Variants in PIWIL1 observed in about 807,000 individuals in gnomAD.
PIWIL1 encodes piwi-like protein 1.
PIWIL1 carries 73 observed loss-of-function variants against 114.4 expected under a neutral mutation model. That is an observed-to-expected ratio of 0.64 (90% CI 0.53 to 0.78). The LOEUF (loss-of-function observed/expected upper bound fraction) is 0.78, where lower values mean the gene tolerates loss of function less well. Ranked by LOEUF, PIWIL1 falls within the 30% of genes least tolerant of loss-of-function variation. The pLI, the probability that PIWIL1 is intolerant of heterozygous loss-of-function variation, is 0.00. For missense variants in PIWIL1, 723 were observed against 1,063.1 expected (o/e 0.68, Z 4.45); for synonymous variants, 375 against 369.0 (o/e 1.02, Z -0.19).
At chr12:130,355,458 T>G in intron 11 of PIWIL1, 95 bp from the exon 12 acceptor site, 1 of 922,194 alleles carries the variant, frequency 1.1e-6, no homozygotes. Flanking sequence ...ACGGCGACAT[T>G]GGAGTGTGTT....
At chr12:130,394,798 G>A in the PIWIL1 span, among the ~76,000 whole-genome samples, 1 of 142,512 alleles carries the variant, frequency 7.0e-6, no homozygotes, top group East Asian at 2.0e-4. Flanking sequence ...GTGTTAGCGA[G>A]AGGATAGAAA....
At chr12:130,414,885 C>T in the PIWIL1 span, among the ~76,000 whole-genome samples, 31 of 152,306 alleles carry the variant, frequency 2.0e-4, no homozygotes, top group Middle Eastern at 3.4e-3. Flanking sequence ...TAGACACACA[C>T]AACCTCCCAG....
chr12:130,424,105 G>T, the PIWIL1 span: 1 of 1,115,740 alleles, frequency 9.0e-7, no homozygotes, highest in Non-Finnish European at 1.1e-6. The surrounding 1 kb of genome is among the most constrained non-coding windows in gnomAD (Gnocchi z 9.8). Context: ...AGATTGGTTT[G>T]GCAAGCGGCT....
chr12:130,375,428 G>A (rs10773772), downstream of PIWIL1, among the ~76,000 whole-genome samples: 2 of 151,872 alleles, frequency 1.3e-5, no homozygotes, highest in Admixed American at 6.6e-5. Context: ...ACCTCCATCC[G>A]CATTCTCAAC....
chr12:130,424,782 C>G, the PIWIL1 span: 1 of 1,232,944 alleles, frequency 8.1e-7, no homozygotes, highest in Non-Finnish European at 1.0e-6. The surrounding 1 kb of genome is among the most constrained non-coding windows in gnomAD (Gnocchi z 9.8). Flanking sequence ...ACTGAAAAGT[C>G]TCTTCCTGTG....
At chr12:130,364,737 G>A (rs1161630790) in intron 18 of PIWIL1, among the ~76,000 whole-genome samples, 1 of 152,156 alleles carries the variant, frequency 6.6e-6, no homozygotes, top group Non-Finnish European at 1.5e-5. Context: ...GGTGTGGTGT[G>A]TGCAGCAGGC....
chr12:130,403,427 A>C, the PIWIL1 span, among the ~76,000 whole-genome samples: 7 of 151,572 alleles, frequency 4.6e-5, no homozygotes, highest in African/African-American at 1.7e-4. Flanking sequence ...AGAAACATGC[A>C]GACAAATTAG....
the PIWIL1 span, among the ~76,000 whole-genome samples, chr12:130,421,691 ATG>A: frequency 0.27 from 39,438 of 147,118 alleles, 6,173 homozygotes; most frequent in South Asian, 0.43. Flanking sequence ...CTGCATTTAT[ATG>A]TGTGTGTGTG....
At chr12:130,357,428 G>T (rs375320349) in intron 13 of PIWIL1, 53 bp from the exon 14 acceptor site, 2 of 1,313,044 alleles carry the variant, frequency 1.5e-6, no homozygotes, top group East Asian at 2.3e-5. Flanking sequence ...GTTTATGCAC[G>T]GTCCATTTGT....
At chr12:130,374,021 G>C (rs1297079003), downstream of PIWIL1, among the ~76,000 whole-genome samples, 1 of 152,158 alleles carries the variant, frequency 6.6e-6, no homozygotes, top group Non-Finnish European at 1.5e-5. Context: ...CAGTCTACCT[G>C]GTGGTTCCTG....
the PIWIL1 span, chr12:130,398,498 G>A: frequency 2.0e-5 from 3 of 152,650 alleles, no homozygotes; most frequent in Non-Finnish European, 4.4e-5. Context: ...TTTGAGCTGC[G>A]TGCTTCATCA....
At position 130,346,978 on chromosome 12, in the gene PIWIL1, A is replaced by G. The variant is rs2073087308; in HGVS notation, c.569A>G (p.Asp190Gly). Residue 190 changes from aspartate to glycine, a missense_variant, in exon 6 of 21, where the codon GAT becomes GGT. By Grantham distance (94) the Asp-to-Gly change is moderately conservative (BLOSUM62 -1). Transcript: ENST00000245255. ...EVFSKTRNGE[D>G]VRITITLTNE... ...TTTAGTAAGACCCGGAATGGAGAGG[A>G]TGTGAGGATAACGATCACTTTAACA... 5 of 1,613,674 alleles carry G rather than the reference A, an allele frequency of 3.1e-6. No homozygotes were observed. The highest frequency in any genetic ancestry group is 1.3e-5 in the African/African-American group (1 of 74,940).
the PIWIL1 span, among the ~76,000 whole-genome samples, chr12:130,391,218 G>A: frequency 2.2e-4 from 33 of 152,318 alleles, no homozygotes; most frequent in Admixed American, 2.1e-3. Context: ...CCGGCTTCTC[G>A]CCAAGGTGAG....
At chr12:130,394,193 CT>C in the PIWIL1 span, among the ~76,000 whole-genome samples, 5 of 152,120 alleles carry the variant, frequency 3.3e-5, no homozygotes, top group African/African-American at 1.2e-4. Context: ...GATTCATCCT[CT>C]TTTTTAGAGA....
At chr12:130,422,067 G>A in the PIWIL1 span, among the ~76,000 whole-genome samples, 7 of 152,112 alleles carry the variant, frequency 4.6e-5, no homozygotes, top group Non-Finnish European at 8.8e-5. The surrounding 1 kb of genome is among the most constrained non-coding windows in gnomAD (Gnocchi z 5.2). Context: ...GCATTCCCTC[G>A]GGTGGGGCTC....
downstream of PIWIL1, among the ~76,000 whole-genome samples, chr12:130,375,292 T>C (rs7136360): frequency 0.97 from 147,498 of 152,266 alleles, 71,586 homozygotes; most frequent in East Asian, 1. Flanking sequence ...CCCTGTGTAA[T>C]TGTTGTATTT....
Position 130,365,372 on chromosome 12 carries a change from G to A in PIWIL1, c.2196-1761G>A, listed in dbSNP as rs747504105. On this transcript the variant is annotated intron_variant, in intron 18 of 20. Transcript: ENST00000245255. ...TTGCAAGGCGTAAATGAAAATATAC[G>A]TAATGGACTTCACACAGTATCCAGT... Among the ~76,000 whole-genome samples, 11 of 152,268 alleles carry A rather than the reference G, an allele frequency of 7.2e-5. 1 individual carries two copies. Among genetic ancestry groups the A allele is most frequent in the South Asian group, 4.2e-4 (2 of 4,814 alleles).
chr12:130,414,841 G>T, the PIWIL1 span: 1 of 152,734 alleles, frequency 6.5e-6, no homozygotes, highest in Non-Finnish European at 1.5e-5. Context: ...TTCCAAAAGT[G>T]GTTCTTTTGG....
intron 16 of PIWIL1, among the ~76,000 whole-genome samples, 162 bp from the exon 17 acceptor site, chr12:130,362,604 T>G (rs1397848141): frequency 6.6e-6 from 1 of 152,232 alleles, no homozygotes; most frequent in Non-Finnish European, 1.5e-5. Flanking sequence ...CTGCTCCTTC[T>G]GTGTAAGGTT....
Sources: gnomAD v4.1 joint callset for allele counts (sites outside exome capture counted in the v4.1 genomes callset) on GRCh38, gnomAD v4.1.1 for gene constraint, Gnocchi (gnomAD v3.1) non-coding constraint, MANE v1.5 for transcripts, NCBI Gene and HGNC (gene_info 2026-07-23, HGNC 2026-07-21) for gene names.